The following DNAAF5 variants were observed in gnomAD, a reference collection of about 807,000 sequenced individuals.
The protein encoded by DNAAF5 is dynein axonemal assembly factor 5.
A neutral mutation model predicts 75.8 loss-of-function variants in DNAAF5; 64 were observed. The observed-to-expected ratio is 0.84, with a 90% confidence interval of 0.69 to 1.04. The LOEUF is 1.04. Ranked by LOEUF, DNAAF5 falls within the 50% of genes least tolerant of loss-of-function variation. The pLI is 0.00. For synonymous variants in DNAAF5, 657 were observed against 557.2 expected, an observed-to-expected ratio of 1.18 and a Z score of -2.52; for missense variants, 1,269 against 1,178.5, an observed-to-expected ratio of 1.08 and a Z score of -1.12.
In DNAAF5 at chr7:754,067, T is replaced by C. The variant is rs1782405225; in HGVS notation, c.1025-522T>C. The stretch of plus-strand genomic sequence containing the variant: ...ATATGGCGATGGCTTCGCAGGCGTG[T>C]GTCTCTCTGATCATAGGGGGACGGC... On this transcript the variant is annotated intron_variant, in intron 4 of 12. Transcript: ENST00000297440. The surrounding 1 kb of genome is among the most constrained non-coding windows in gnomAD (Gnocchi z 4.8). 6.6e-6 allele frequency among the ~76,000 whole-genome samples: 1 copy of C among 150,898 alleles called. No homozygotes were observed.
intron 12 of DNAAF5, among the ~76,000 whole-genome samples, chr7:782,607 C>T (rs1779003425): frequency 6.8e-6 from 1 of 147,612 alleles, no homozygotes; most frequent in Non-Finnish European, 1.5e-5. Flanking sequence ...TCCCGTTACG[C>T]AGCGTCAGAA....
intron 12 of DNAAF5, among the ~76,000 whole-genome samples, chr7:782,049 TC>T (rs1169801239): frequency 2.0e-5 from 3 of 152,254 alleles, no homozygotes; most frequent in South Asian, 2.1e-4. Flanking sequence ...ACTTAGACCT[TC>T]CCCGCGCAGC....
At chr7:760,431 C>A (rs1261520058) in intron 6 of DNAAF5, among the ~76,000 whole-genome samples, 1 of 152,144 alleles carries the variant, frequency 6.6e-6, no homozygotes, top group Admixed American at 6.5e-5. Flanking sequence ...TGGCCACGGT[C>A]CTGACTCACT....
chr7:765,073 A>G (rs1782778909), intron 8 of DNAAF5, among the ~76,000 whole-genome samples: 1 of 152,224 alleles, frequency 6.6e-6, no homozygotes, highest in Non-Finnish European at 1.5e-5. Context: ...GTGAGCTGTG[A>G]CTGCACTGCT....
intron 4 of DNAAF5, among the ~76,000 whole-genome samples, chr7:747,703 C>T (rs1241045048): frequency 3.8e-5 from 4 of 104,930 alleles, no homozygotes; most frequent in Non-Finnish European, 5.9e-5. Context: ...TGGTGGCCCA[C>T]GGTGTTGGTG....
At chr7:763,745 G>A in intron 7 of DNAAF5, 61 bp from the exon 8 acceptor site, 1 of 1,559,694 alleles carries the variant, frequency 6.4e-7, no homozygotes, top group Non-Finnish European at 8.8e-7. Context: ...AGTCCCAGCA[G>A]GCAGGCAGGC....
rs527380109 is a variant in DNAAF5 at position 754,332 on chromosome 7, C to G, written c.1025-257C>G. On this transcript the variant is annotated intron_variant, in intron 4 of 12. Coordinates refer to ENST00000297440, the MANE Select transcript of DNAAF5 (RefSeq NM_017802.4). This position sits in a 1 kb window ranked among gnomAD's most constrained non-coding sequence, Gnocchi z 4.8. The stretch of plus-strand genomic sequence containing the variant: ...TAGAGATGGGGTCTTTGCCATGTTG[C>G]CCAGGCTGGTCTTGACTTCCTGGGC... Among the ~76,000 whole-genome samples the G allele has an allele frequency of 1.0e-3, 158 of 152,246 alleles. No individual in the cohort carries two copies. Among genetic ancestry groups the G allele is most frequent in the Non-Finnish European group, 1.7e-3 (113 of 68,012 alleles).
rs1274271754 is a variant in DNAAF5, at chr7:786,188, G to A, written c.*535G>A. The A allele has an allele frequency of 6.5e-6, 1 of 152,780 alleles. No homozygotes were observed. Among genetic ancestry groups the A allele is most frequent in the Admixed American group, 6.5e-5 (1 of 15,326 alleles). The allele number at this position is 152,780 out of a possible 1,614,324, so 9.5% of individuals were successfully genotyped here. On this transcript the variant is annotated 3_prime_UTR_variant, in exon 13 of 13. Transcript: ENST00000297440. ...TTTTAAATATACTGGGACTTTAAAG[G>A]TTATATGTCCGGTCACCGTATGTTT...
intron 4 of DNAAF5, among the ~76,000 whole-genome samples, chr7:750,558 C>T (rs1162760885): frequency 6.6e-6 from 1 of 152,200 alleles, no homozygotes; most frequent in Non-Finnish European, 1.5e-5. Flanking sequence ...AGGTCCCTCA[C>T]ACGCACAGTT....
chr7:757,565 A>G (rs1013407917), intron 6 of DNAAF5, among the ~76,000 whole-genome samples: 2 of 152,256 alleles, frequency 1.3e-5, no homozygotes, highest in African/African-American at 2.4e-5. Context: ...AGGATTTGCC[A>G]GAGACATTTG....
chr7:751,018 C>T (rs749013776), intron 4 of DNAAF5: 1 of 152,636 alleles, frequency 6.6e-6, no homozygotes, highest in Non-Finnish European at 1.5e-5. Context: ...GTGGCATGCA[C>T]CTGTAGTACC....
intron 8 of DNAAF5, chr7:768,898 C>A: frequency 1.9e-6 from 1 of 518,768 alleles, no homozygotes; most frequent in Non-Finnish European, 3.5e-6. Context: ...GAAACTGGGT[C>A]AGAAGCAGCG....
chr7:765,596 G>C (rs1378132821), intron 8 of DNAAF5, among the ~76,000 whole-genome samples: 1 of 152,180 alleles, frequency 6.6e-6, no homozygotes, highest in Admixed American at 6.5e-5. Flanking sequence ...TTGGCAGCTT[G>C]GAACACACAT....
At chr7:777,066 G>T (rs1021076258) in intron 11 of DNAAF5, among the ~76,000 whole-genome samples, 1 of 152,208 alleles carries the variant, frequency 6.6e-6, no homozygotes, top group African/African-American at 2.4e-5. Context: ...CCCCACATGG[G>T]ACCGTCTAGT....
rs1453563781 is a variant in DNAAF5, at chr7:741,068, G to T, written c.905+125G>T. 5.1e-6 allele frequency: 6 copies of T among 1,182,928 alleles called. No homozygotes were observed. The Admixed American group carries it at 1.1e-4, about 22-fold the overall frequency. The allele number at this position is 1,182,928 out of a possible 1,614,324, so 73.3% of individuals were successfully genotyped here. ...GTCCCTTTGTCCCTGTGCTCCGAAG[G>T]GATGTGCCGTACAGAAGTCGTCTCG... On this transcript the variant is annotated intron_variant, in intron 3 of 12. Transcript: ENST00000297440.
intron 2 of DNAAF5, among the ~76,000 whole-genome samples, chr7:733,338 T>C (rs1275970473): frequency 6.6e-6 from 1 of 152,202 alleles, no homozygotes; most frequent in African/African-American, 2.4e-5. Flanking sequence ...CTGTGAAGAA[T>C]GTCATTGGTA....
In DNAAF5 at chr7:754,740, C is replaced by T; in HGVS notation, c.1176C>T (p.Asp392=). 1.2e-6 allele frequency: 2 copies of T among 1,613,682 alleles called. No individual in the cohort carries two copies. Among genetic ancestry groups the T allele is most frequent in the African/African-American group, 2.7e-5 (2 of 75,040 alleles). The change falls in exon 5 of 13, where the codon GAC becomes GAT. Residue 392 remains aspartate, a synonymous_variant. Coordinates refer to ENST00000297440, the MANE Select transcript of DNAAF5 (RefSeq NM_017802.4). The surrounding 1 kb of genome is among the most constrained non-coding windows in gnomAD (Gnocchi z 4.8). ...CAGTGCTGCTGCTGCATGCCGAGGA[C>T]CACGCCACGCAGCACCTGGAGGTCG... ...LLPVLLLHAE[D]HATQHLEVVL...
intron 4 of DNAAF5, among the ~76,000 whole-genome samples, chr7:743,193 T>C (rs184580855): frequency 2.6e-5 from 4 of 152,246 alleles, no homozygotes; most frequent in Admixed American, 1.3e-4. Flanking sequence ...GCAAGACTCC[T>C]ACTTTACAAA....
In DNAAF5 at chr7:774,049, C is replaced by T; in HGVS notation, c.1933C>T (p.Gln645Ter). ...RATDTINSQG[Q>*]FPSYLETVTK... ...CCACCCTCTCCGTTCCGGTTCCAGGCAGTTTCCCAGCTACCTCGAGACGGT... is the reference window on the plus strand; with the variant it reads ...CCACCCTCTCCGTTCCGGTTCCAGGTAGTTTCCCAGCTACCTCGAGACGGT... Residue 645 changes from glutamine (Q) to a stop codon, truncating the protein, a stop_gained and splice_region_variant, in exon 10 of 13, where the codon CAG becomes TAG. Coordinates refer to ENST00000297440, the MANE Select transcript of DNAAF5 (RefSeq NM_017802.4). LOFTEE classifies it high-confidence loss of function. 1 of 1,614,144 alleles carries T rather than the reference C, an allele frequency of 6.2e-7. No homozygotes were observed. Among genetic ancestry groups the T allele is most frequent in the South Asian group, 1.1e-5 (1 of 91,092 alleles).
Sources: gnomAD v4.1 joint callset for allele counts (sites outside exome capture counted in the v4.1 genomes callset) on GRCh38, gnomAD v4.1.1 for gene constraint, Gnocchi (gnomAD v3.1) non-coding constraint, MANE v1.5 for transcripts, NCBI Gene and HGNC (gene_info 2026-07-23, HGNC 2026-07-21) for gene names.